Variants in CACNA2D1 observed in about 807,000 individuals in gnomAD.
CACNA2D1 encodes voltage-dependent calcium channel subunit alpha-2/delta-1.
Under a neutral mutation model 171.5 loss-of-function variants are expected in CACNA2D1, and 53 were observed. The observed-to-expected ratio is 0.31, with a 90% CI of 0.25 to 0.39. The LOEUF (loss-of-function observed/expected upper bound fraction) is 0.39. CACNA2D1 is among the 10% of genes least tolerant of loss of function. CACNA2D1 has a pLI of 1.00. For missense variants in CACNA2D1, 903 were observed against 1,299.8 expected, an observed-to-expected ratio of 0.69 and a Z score of 4.69; for synonymous variants, 442 against 443.1, an observed-to-expected ratio of 1.00 and a Z score of 0.03.
rs753020973 is a variant in CACNA2D1, at chr7:82,170,530, T to C, written c.354+20A>G. On this transcript the variant is annotated intron_variant, in intron 4 of 38. Transcript: ENST00000356860. ...AATATGTCAAGCTATTTAAATCAAG[T>C]AGTTAAAAGGGGTTCTTACTGCAAA... The C allele has an allele frequency of 1.9e-6, 3 of 1,577,286 alleles. No individual in the cohort carries two copies. The highest frequency in any genetic ancestry group is 2.7e-5 in the African/African-American group (2 of 74,278).
chr7:82,366,903 C>CTTTTTTTTTTTTTTTTTTCT (rs1821793625), intron 1 of CACNA2D1, among the ~76,000 whole-genome samples: 1 of 86,944 alleles, frequency 1.2e-5, no homozygotes, highest in Non-Finnish European at 2.3e-5. Context: ...TGGTTTTGAC[C>CTTTTTTTTTTTTTTTTTTCT]TTTTTTTTTT....
chr7:82,386,218 T>C (rs770378355), intron 1 of CACNA2D1, among the ~76,000 whole-genome samples: 61 of 152,004 alleles, frequency 4.0e-4, no homozygotes, highest in Non-Finnish European at 7.1e-4. Flanking sequence ...GGGAAAAAAA[T>C]ACTATAGTAC....
rs538490253 is a variant in CACNA2D1, at chr7:82,150,849, T to C, written c.355-14173A>G. On this transcript the variant is annotated intron_variant, in intron 4 of 38. Transcript: ENST00000356860. ...AACAGCACAAAGAAAGGAAGGCTGTTGCAGAAGGAAAAAAAATGAAATGGC... is the reference window on the plus strand; with the variant it reads ...AACAGCACAAAGAAAGGAAGGCTGTCGCAGAAGGAAAAAAAATGAAATGGC... Among the ~76,000 whole-genome samples the C allele has an allele frequency of 5.3e-5, 8 of 152,282 alleles. No individual in the cohort carries two copies. In the East Asian group the frequency reaches 9.6e-4, roughly 18 times the overall value.
intron 1 of CACNA2D1, among the ~76,000 whole-genome samples, chr7:82,374,174 C>T (rs1335179125): frequency 6.6e-6 from 1 of 152,180 alleles, no homozygotes; most frequent in Non-Finnish European, 1.5e-5. Flanking sequence ...CAGAAGAACA[C>T]AATGCCTGTC....
intron 2 of CACNA2D1, among the ~76,000 whole-genome samples, chr7:82,344,435 GTTAA>G (rs570519736): frequency 9.1e-4 from 139 of 152,232 alleles, no homozygotes; most frequent in Non-Finnish European, 1.7e-3. Flanking sequence ...TTCAGAAAAT[GTTAA>G]TTAACGGCCG....
At position 81,950,239 on chromosome 7, in the gene CACNA2D1, C is replaced by CT. The variant is rs1436823493; in HGVS notation, c.*152dup. 1 of 1,375,622 alleles carries CT rather than the reference C, an allele frequency of 7.3e-7. No homozygotes were observed. The highest frequency in any genetic ancestry group is 1.0e-6 in the Non-Finnish European group (1 of 991,836). 85.2% of individuals were successfully genotyped at this position (1,375,622 alleles called of 1,614,324 possible). A position where few individuals can be genotyped will look rare whatever the true frequency, so the allele number is the denominator to read the frequency against. ...ACCCTGACATGCAGCCAGTGGGTGC[C>CT]TTAGGAGTCTGCGCCTTAGTGTTAT... On this transcript the variant is annotated 3_prime_UTR_variant, in exon 39 of 39. Transcript: ENST00000356860.
At chr7:82,280,922 G>C (rs1289312039) in intron 3 of CACNA2D1, among the ~76,000 whole-genome samples, 2 of 152,142 alleles carry the variant, frequency 1.3e-5, no homozygotes, top group Non-Finnish European at 2.9e-5. Flanking sequence ...TCCTGATTTG[G>C]AATCCATTTT....
intron 5 of CACNA2D1, among the ~76,000 whole-genome samples, chr7:82,127,935 T>G (rs559219667): frequency 1.5e-4 from 23 of 152,266 alleles, no homozygotes; most frequent in Admixed American, 1.0e-3. Context: ...AGGTTTTTTG[T>G]TTGTTTTTGA....
chr7:82,212,020 A>G (rs1387747938), intron 3 of CACNA2D1, among the ~76,000 whole-genome samples: 1 of 152,080 alleles, frequency 6.6e-6, no homozygotes, highest in African/African-American at 2.4e-5. Flanking sequence ...GACCACGTGT[A>G]TATCTTCTTT....
chr7:82,388,248 A>G (rs1351456850), intron 1 of CACNA2D1, among the ~76,000 whole-genome samples: 1 of 152,154 alleles, frequency 6.6e-6, no homozygotes, highest in East Asian at 1.9e-4. Flanking sequence ...ATATTCTAGA[A>G]ATTTTATTAT....
chr7:82,278,850 A>G (rs1809707190), intron 3 of CACNA2D1, among the ~76,000 whole-genome samples: 4 of 152,224 alleles, frequency 2.6e-5, no homozygotes, highest in Admixed American at 6.5e-5. Context: ...GGTAAGACTT[A>G]AAATGCAAGC....
At chr7:82,411,488 A>T (rs933171215) in intron 1 of CACNA2D1, among the ~76,000 whole-genome samples, 2 of 152,232 alleles carry the variant, frequency 1.3e-5, no homozygotes, top group Non-Finnish European at 2.9e-5. Flanking sequence ...ACCAATTATT[A>T]TTATTGCTAA....
intron 3 of CACNA2D1, among the ~76,000 whole-genome samples, chr7:82,262,145 C>T (rs929705812): frequency 6.6e-5 from 10 of 152,306 alleles, no homozygotes; most frequent in African/African-American, 2.4e-4. Flanking sequence ...TCCTGGCTAA[C>T]ACGGTGAAAC....
chr7:81,957,049 T>C (rs537614542), intron 38 of CACNA2D1, among the ~76,000 whole-genome samples: 47 of 152,210 alleles, frequency 3.1e-4, no homozygotes, highest in Admixed American at 2.6e-3. Flanking sequence ...TAAAAAGTTA[T>C]TTAAGTCAGA....
At chr7:82,157,908 C>CAA (rs1794530811) in intron 4 of CACNA2D1, among the ~76,000 whole-genome samples, 4 of 151,788 alleles carry the variant, frequency 2.6e-5, no homozygotes, top group Non-Finnish European at 4.4e-5. Context: ...GTAACAAACT[C>CAA]CAACATTTAT....
intron 6 of CACNA2D1, 64 bp downstream of exon 6, chr7:82,116,980 C>T: frequency 5.1e-6 from 8 of 1,569,882 alleles, no homozygotes; most frequent in Non-Finnish European, 2.6e-6. Context: ...CCCCCTCAAA[C>T]ATGGGAAACA....
intron 27 of CACNA2D1, among the ~76,000 whole-genome samples, chr7:81,970,273 C>T (rs1348483548): frequency 1.3e-5 from 2 of 151,418 alleles, no homozygotes; most frequent in East Asian, 1.9e-4. Flanking sequence ...TTGGTGCCTA[C>T]TCAGCCTACT....
At chr7:82,149,881 C>G (rs1427490313) in intron 4 of CACNA2D1, among the ~76,000 whole-genome samples, 1 of 151,958 alleles carries the variant, frequency 6.6e-6, no homozygotes, top group East Asian at 1.9e-4. Flanking sequence ...GGCGTGAACC[C>G]GGGAGGCGGA....
chr7:82,071,775 C>T (rs1487537847), intron 7 of CACNA2D1, among the ~76,000 whole-genome samples: 1 of 152,156 alleles, frequency 6.6e-6, no homozygotes, highest in Admixed American at 6.5e-5. Flanking sequence ...TCAGTTTCTC[C>T]TGTCATGATG....
Sources: allele counts gnomAD v4.1 joint callset (sites outside exome capture counted in the v4.1 genomes callset), GRCh38; gene constraint gnomAD v4.1.1; transcripts MANE v1.5; gene names NCBI Gene and HGNC (gene_info 2026-07-23, HGNC 2026-07-21).